PCDHGA1: variants seen among roughly 807,000 people sequenced by gnomAD.
PCDHGA1 encodes the protein protocadherin gamma subfamily A, 1.
In PCDHGA1, 32 loss-of-function variants were observed where a neutral mutation model predicts 58.0. The ratio of observed to expected loss-of-function variants is 0.55; its 90% CI spans 0.42 to 0.74. The LOEUF is 0.74. PCDHGA1 is among the 30% of genes least tolerant of loss of function. PCDHGA1 has a pLI of 0.00. For synonymous variants in PCDHGA1, 498 were observed against 501.1 expected (o/e 0.99, Z 0.08); for missense variants, 1,205 against 1,182.3 (o/e 1.02, Z -0.28).
At chr5:141,426,779 T>G in intron 1 of PCDHGA1, 6 of 456,698 alleles carry the variant, frequency 1.3e-5, no homozygotes, top group Non-Finnish European at 1.8e-5. Context: ...GGCCTCACTC[T>G]CTCCAGAGTT....
At chr5:141,416,245 C>T (rs1029299377) in intron 1 of PCDHGA1, 1 of 152,234 alleles carries the variant, frequency 6.6e-6, no homozygotes, top group Non-Finnish European at 1.5e-5. Flanking sequence ...CTATTTATAA[C>T]TGATAACACT....
chr5:141,365,615 ACCCCGC>A, intron 1 of PCDHGA1: 1 of 1,613,178 alleles, frequency 6.2e-7, no homozygotes. Context: ...GGACCATGGA[ACCCCGC>A]CCCTCTCTAC....
rs2095943632 is a variant in PCDHGA1 at position 141,415,767 on chromosome 5, TTTTTTACTTTC to T, written c.2422-79038_2422-79028del. ...TTTTTTTTTTTTTTTTTTTTTTTTT[TTTTTTACTTTC>T]TGGTAAAATTCACCTAGTCTCAATC... is the stretch of plus-strand genomic sequence containing the variant. On this transcript the variant is annotated intron_variant, in intron 1 of 3. Transcript: ENST00000517417. 3.1e-6 allele frequency: 4 copies of T among 1,300,754 alleles called. No individual in the cohort carries two copies. The Admixed American group carries it at 1.4e-4, about 46-fold the overall frequency. The allele number at this position is 1,300,754 out of a possible 1,614,324, so 80.6% of individuals were successfully genotyped here.
At chr5:141,386,590 G>A (rs1589020136) in intron 1 of PCDHGA1, among the ~76,000 whole-genome samples, 1 of 151,604 alleles carries the variant, frequency 6.6e-6, no homozygotes, top group Non-Finnish European at 1.5e-5. Context: ...TAGTGTGGGG[G>A]ATACATTTTT....
At chr5:141,430,888 T>C (rs1447560622) in intron 1 of PCDHGA1, 5 of 1,605,402 alleles carry the variant, frequency 3.1e-6, no homozygotes, top group Admixed American at 1.7e-5. Context: ...AGAAAGGCTC[T>C]AGGGTGGGCG....
At chr5:141,364,270 G>A (rs1358806015) in intron 1 of PCDHGA1, 1 of 1,513,876 alleles carries the variant, frequency 6.6e-7, no homozygotes, top group African/African-American at 1.4e-5. Flanking sequence ...ATCGGCTTTA[G>A]ATAAATAAGG....
intron 1 of PCDHGA1, among the ~76,000 whole-genome samples, chr5:141,457,745 G>T (rs1039982528): frequency 6.6e-6 from 1 of 152,232 alleles, no homozygotes; most frequent in Non-Finnish European, 1.5e-5. Flanking sequence ...TTTTAAAGCT[G>T]AGCCCAGACA....
At chr5:141,333,318 A>G in intron 1 of PCDHGA1, 3 of 774,896 alleles carry the variant, frequency 3.9e-6, no homozygotes, top group East Asian at 2.7e-5. Context: ...CTGTGATCAT[A>G]ATGTAGGTGG....
intron 1 of PCDHGA1, among the ~76,000 whole-genome samples, chr5:141,443,720 T>G (rs1349609652): frequency 2.6e-5 from 4 of 152,156 alleles, no homozygotes; most frequent in Non-Finnish European, 5.9e-5. Flanking sequence ...CATATAAAAT[T>G]CCTCATACAT....
rs2096663485 is a variant in PCDHGA1, at chr5:141,422,674, A to G, written c.2422-72133A>G. 3 of 1,606,698 alleles carry G rather than the reference A, an allele frequency of 1.9e-6. No individual in the cohort carries two copies. The East Asian group carries it at 6.7e-5, about 36-fold the overall frequency. On this transcript the variant is annotated intron_variant, in intron 1 of 3. Transcript: ENST00000517417. ...AGTGACCGCCCTCGACCCGGACAGC[A>G]AACAGAATGCCCTGGTCACTTACTC...
In PCDHGA1 at chr5:141,332,107, A is replaced by T; in HGVS notation, c.1423A>T (p.Arg475Trp). ...CAGAGGAGCCTCCATCTTCTCTGTG[A>T]GGGCCCACGACTTGGACAGCAATGA... ...NPRGASIFSV[R>W]AHDLDSNENA... The change falls in exon 1 of 4, where the codon AGG (arginine) becomes TGG (tryptophan). Residue 475 changes from arginine to tryptophan, a missense_variant. Coordinates refer to ENST00000517417, the MANE Select transcript of PCDHGA1 (RefSeq NM_018912.3). The surrounding 1 kb of genome is among the most constrained non-coding windows in gnomAD (Gnocchi z 4.6). 1 of 1,614,146 alleles carries T rather than the reference A, an allele frequency of 6.2e-7. No homozygotes were observed. Among genetic ancestry groups the T allele is most frequent in the Middle Eastern group, 1.6e-4 (1 of 6,062 alleles).
chr5:141,359,502 A>G (rs780869952), intron 1 of PCDHGA1, among the ~76,000 whole-genome samples: 11 of 151,356 alleles, frequency 7.3e-5, no homozygotes, highest in Middle Eastern at 3.4e-3. Flanking sequence ...GGACTACTAG[A>G]TAACTATATT....
intron 1 of PCDHGA1, chr5:141,360,212 C>T: frequency 1.2e-6 from 2 of 1,612,898 alleles, no homozygotes; most frequent in Non-Finnish European, 1.7e-6. Context: ...TCTTTGTTCC[C>T]CGGGGCTCTC....
chr5:141,472,071 A>T (rs1243864250), intron 1 of PCDHGA1, among the ~76,000 whole-genome samples: 5 of 152,200 alleles, frequency 3.3e-5, no homozygotes, highest in South Asian at 2.1e-4. Context: ...GTCTGTGGTT[A>T]TATCAATGAG....
intron 1 of PCDHGA1, among the ~76,000 whole-genome samples, chr5:141,349,365 A>T (rs1438185685): frequency 6.6e-6 from 1 of 152,128 alleles, no homozygotes; most frequent in South Asian, 2.1e-4. Flanking sequence ...CACCCAGCCT[A>T]GAGTATTTAA....
intron 1 of PCDHGA1, chr5:141,410,511 G>C (rs755576652): frequency 6.2e-7 from 1 of 1,613,824 alleles, no homozygotes; most frequent in Non-Finnish European, 8.5e-7. Flanking sequence ...CTAAAATGCA[G>C]TGTGCCCCTA....
intron 1 of PCDHGA1, chr5:141,352,422 G>C (rs191134866): frequency 1.9e-6 from 3 of 1,613,936 alleles, no homozygotes. Flanking sequence ...GACACTGAGG[G>C]CTGCTTTCAA....
intron 1 of PCDHGA1, chr5:141,412,160 G>T (rs952899384): frequency 2.0e-5 from 3 of 152,212 alleles, no homozygotes; most frequent in Middle Eastern, 3.2e-3. Flanking sequence ...TAAGAGAAGA[G>T]ATTATTTATA....
intron 1 of PCDHGA1, chr5:141,367,871 A>G (rs2149916351): frequency 6.6e-6 from 1 of 152,278 alleles, no homozygotes; most frequent in South Asian, 2.1e-4. Flanking sequence ...GTGTAGGTGC[A>G]ATTCTTCTTT....
Sources: gnomAD v4.1 joint callset for allele counts (sites outside exome capture counted in the v4.1 genomes callset) on GRCh38, gnomAD v4.1.1 for gene constraint, Gnocchi (gnomAD v3.1) non-coding constraint, MANE v1.5 for transcripts, NCBI Gene and HGNC (gene_info 2026-07-23, HGNC 2026-07-21) for gene names.